Variants in CDK14 observed in about 807,000 individuals in gnomAD.
The protein encoded by CDK14 is cyclin-dependent kinase 14.
CDK14 carries 34 observed loss-of-function variants against 60.7 expected under a neutral mutation model. The ratio of observed to expected loss-of-function variants is 0.56; its 90% CI spans 0.43 to 0.75. CDK14 has a LOEUF of 0.75. CDK14 is among the 30% of genes least tolerant of loss of function. The probability of loss-of-function intolerance (pLI) is 0.00; values close to 1 mark genes in which losing one functional copy is unlikely to be tolerated. For missense variants in CDK14, 482 were observed against 564.1 expected (o/e 0.85, Z 1.47); for synonymous variants, 197 against 203.7 (o/e 0.97, Z 0.28).
intron 14 of CDK14, among the ~76,000 whole-genome samples, chr7:91,178,315 A>G (rs1203955415): frequency 1.5e-5 from 2 of 129,868 alleles, no homozygotes; most frequent in African/African-American, 5.8e-5. Context: ...TGAATTCAAG[A>G]TGGATTAAAG....
At chr7:91,019,904 T>A (rs554654973) in intron 10 of CDK14, among the ~76,000 whole-genome samples, 1 of 152,324 alleles carries the variant, frequency 6.6e-6, no homozygotes, top group African/African-American at 2.4e-5. Flanking sequence ...AACAAACCAC[T>A]TAAGAATTCA....
rs188148254 is a variant in CDK14, at chr7:90,881,676, G to T, written c.640-17615G>T. 2.9e-3 allele frequency among the ~76,000 whole-genome samples: 441 copies of T among 152,194 alleles called. 6 individuals carry two copies. Among genetic ancestry groups the T allele is most frequent in the African/African-American group, 0.01 (424 of 41,510 alleles). On this transcript the variant is annotated intron_variant, in intron 6 of 14. Transcript: ENST00000380050. ...AGAAATGAAGTAAAAATTGTTAAGGGCAGCCAGGGAGAAAGGCCGGGTCAC... is the reference window on the plus strand; with the variant it reads ...AGAAATGAAGTAAAAATTGTTAAGGTCAGCCAGGGAGAAAGGCCGGGTCAC...
At chr7:90,597,494 T>C (rs928041981) in intron 1 of CDK14, 1 of 152,208 alleles carries the variant, frequency 6.6e-6, no homozygotes, top group Non-Finnish European at 1.5e-5. Context: ...TTTTGAGTAC[T>C]GGGCATAGAA....
chr7:90,654,456 A>G (rs1368989419), intron 2 of CDK14, among the ~76,000 whole-genome samples: 1 of 152,210 alleles, frequency 6.6e-6, no homozygotes, highest in East Asian at 1.9e-4. Flanking sequence ...TTCTTTATTT[A>G]GCTTAATGAA....
chr7:90,711,337 A>G (rs1386360256), intron 2 of CDK14, among the ~76,000 whole-genome samples: 1 of 152,064 alleles, frequency 6.6e-6, no homozygotes, highest in Non-Finnish European at 1.5e-5. Context: ...TTTTCTTCCA[A>G]AGATAGATCA....
chr7:90,838,343 T>C (rs1790181517), intron 5 of CDK14, among the ~76,000 whole-genome samples: 1 of 152,176 alleles, frequency 6.6e-6, no homozygotes, highest in African/African-American at 2.4e-5. Context: ...GACCCTGCGA[T>C]GATTGCGTTA....
At chr7:91,087,043 T>C (rs991391351) in intron 12 of CDK14, among the ~76,000 whole-genome samples, 5 of 152,120 alleles carry the variant, frequency 3.3e-5, no homozygotes, top group African/African-American at 4.8e-5. Context: ...CACCTCAGCC[T>C]CCCAAGTAGC....
intron 10 of CDK14, among the ~76,000 whole-genome samples, chr7:91,043,107 T>C (rs1250247414): frequency 6.6e-6 from 1 of 152,250 alleles, no homozygotes; most frequent in South Asian, 2.1e-4. Context: ...AAAAGTCTAA[T>C]GTATTTGTTT....
At chr7:91,201,222 A>G (rs866791751) in intron 14 of CDK14, among the ~76,000 whole-genome samples, 1 of 152,180 alleles carries the variant, frequency 6.6e-6, no homozygotes, top group South Asian at 2.1e-4. Flanking sequence ...TAAACGTATT[A>G]TAGCTTTATA....
At chr7:91,148,342 C>T (rs1488225622) in intron 14 of CDK14, among the ~76,000 whole-genome samples, 3 of 131,094 alleles carry the variant, frequency 2.3e-5, no homozygotes, top group Non-Finnish European at 5.6e-5. Context: ...CACTGCATTC[C>T]AGCCTGGGCA....
At chr7:90,858,301 G>A (rs543995951) in intron 5 of CDK14, among the ~76,000 whole-genome samples, 1 of 152,286 alleles carries the variant, frequency 6.6e-6, no homozygotes, top group East Asian at 1.9e-4. Context: ...GAAATGATGG[G>A]TGTGAAGATA....
intron 14 of CDK14, among the ~76,000 whole-genome samples, chr7:91,122,781 C>G (rs951416938): frequency 1.3e-5 from 2 of 152,154 alleles, no homozygotes; most frequent in African/African-American, 4.8e-5. Context: ...CAAACCCTCC[C>G]AGAGAGTGGC....
At chr7:90,678,358 A>T (rs558211376) in intron 2 of CDK14, among the ~76,000 whole-genome samples, 1 of 152,288 alleles carries the variant, frequency 6.6e-6, no homozygotes, top group East Asian at 1.9e-4. Context: ...CAGTCACATC[A>T]GCTGGCACAT....
intron 14 of CDK14, among the ~76,000 whole-genome samples, chr7:91,137,890 A>G (rs1216736315): frequency 3.3e-5 from 5 of 152,204 alleles, no homozygotes; most frequent in Non-Finnish European, 5.9e-5. Context: ...CCTCACTTCA[A>G]TACTCTCCAG....
chr7:91,033,850 C>G (rs1796835705), intron 10 of CDK14, among the ~76,000 whole-genome samples: 1 of 152,152 alleles, frequency 6.6e-6, no homozygotes, highest in African/African-American at 2.4e-5. Context: ...AATAACATCA[C>G]TCAGTCTGAA....
At chr7:91,156,751 T>C (rs1377285894) in intron 14 of CDK14, among the ~76,000 whole-genome samples, 1 of 152,188 alleles carries the variant, frequency 6.6e-6, no homozygotes, top group East Asian at 1.9e-4. Flanking sequence ...CAAATGAGAT[T>C]CCCATCACAT....
In CDK14 at chr7:91,020,904, A is replaced by G. The variant is rs188137266; in HGVS notation, c.1042-24993A>G. On this transcript the variant is annotated intron_variant, in intron 10 of 14. Transcript: ENST00000380050. Reference sequence around the variant, plus strand: ...TTCTAGAACTTGGAATCCTCTTTCAATCTCATGCAGTTGTTGGTAGAATTC... The same window carrying G: ...TTCTAGAACTTGGAATCCTCTTTCAGTCTCATGCAGTTGTTGGTAGAATTC... Among the ~76,000 whole-genome samples the G allele has an allele frequency of 2.2e-4, 33 of 152,248 alleles. 1 individual carries two copies. The East Asian group carries it at 4.3e-3, about 20-fold the overall frequency.
chr7:91,097,076 T>A lies in CDK14; in HGVS notation c.1155-15466T>A, dbSNP rs142629384. Among the ~76,000 whole-genome samples, 444 of 152,178 alleles carry A rather than the reference T, an allele frequency of 2.9e-3. 2 individuals are homozygous for A. Among genetic ancestry groups the A allele is most frequent in the African/African-American group, 9.8e-3 (408 of 41,534 alleles). On this transcript the variant is annotated intron_variant, in intron 12 of 14. Transcript: ENST00000380050. ...TAAAATTCAGGTATTGAAAGGAAATTTTATTATATAAAAACATATTCGGGC... is the reference window on the plus strand; with the variant it reads ...TAAAATTCAGGTATTGAAAGGAAATATTATTATATAAAAACATATTCGGGC...
At chr7:90,858,660 G>C (rs1466902790) in intron 5 of CDK14, among the ~76,000 whole-genome samples, 2 of 152,114 alleles carry the variant, frequency 1.3e-5, no homozygotes, top group Non-Finnish European at 2.9e-5. Context: ...TGCAGGCTAG[G>C]TGTTATGTAC....
Sources: gnomAD v4.1 joint callset for allele counts (sites outside exome capture counted in the v4.1 genomes callset) on GRCh38, gnomAD v4.1.1 for gene constraint, MANE v1.5 for transcripts, NCBI Gene and HGNC (gene_info 2026-07-23, HGNC 2026-07-21) for gene names.